MITF: variants seen among roughly 807,000 people sequenced by gnomAD.
The protein encoded by MITF is melanocyte inducing transcription factor.
In MITF, 17 loss-of-function variants were observed where a neutral mutation model predicts 60.5. That is an observed-to-expected ratio of 0.28 (90% CI 0.19 to 0.42). MITF has a LOEUF of 0.42. MITF is among the 10% of genes least tolerant of loss of function. The pLI, the probability that MITF is intolerant of heterozygous loss-of-function variation, is 1.00. For synonymous variants in MITF, 260 were observed against 248.5 expected (o/e 1.05, Z -0.43); for missense variants, 622 against 683.5 (o/e 0.91, Z 1.00).
chr3:69,907,776 T>A (rs2065132489), intron 2 of MITF, among the ~76,000 whole-genome samples: 1 of 152,108 alleles, frequency 6.6e-6, no homozygotes, highest in Non-Finnish European at 1.5e-5. Flanking sequence ...TCACGGACAT[T>A]TTAAGTGTAT....
chr3:69,903,846 T>G (rs768223157), intron 2 of MITF, among the ~76,000 whole-genome samples: 8 of 152,176 alleles, frequency 5.3e-5, no homozygotes, highest in Non-Finnish European at 8.8e-5. Context: ...GTTCTGACTC[T>G]GCTGCTCCCA....
intron 1 of MITF, among the ~76,000 whole-genome samples, chr3:69,865,714 T>C (rs1209663650): frequency 6.6e-6 from 1 of 152,072 alleles, no homozygotes; most frequent in Non-Finnish European, 1.5e-5. Context: ...CTGTTTTGGA[T>C]CTCTAGCCTG....
chr3:69,780,660 C>T (rs907249880), intron 1 of MITF, among the ~76,000 whole-genome samples: 8 of 152,104 alleles, frequency 5.3e-5, no homozygotes, highest in Admixed American at 3.3e-4. Context: ...TCTCTTTCTC[C>T]GTTGGTTTCA....
chr3:69,908,905 GTTTGT>G (rs2065158294), intron 2 of MITF, among the ~76,000 whole-genome samples: 2 of 152,142 alleles, frequency 1.3e-5, no homozygotes, highest in South Asian at 4.1e-4. Context: ...GATTATTTAT[GTTTGT>G]TTTATTTATG....
At chr3:69,775,092 C>T (rs371986558) in intron 1 of MITF, among the ~76,000 whole-genome samples, 4 of 152,264 alleles carry the variant, frequency 2.6e-5, no homozygotes, top group African/African-American at 9.6e-5. Flanking sequence ...ACCTCCTTGC[C>T]CCTCATCTGA....
intron 6 of MITF, among the ~76,000 whole-genome samples, chr3:69,951,023 C>T (rs1434367763): frequency 6.7e-6 from 1 of 149,626 alleles, no homozygotes; most frequent in Non-Finnish European, 1.5e-5. Flanking sequence ...CTGGCACCAA[C>T]TTCTGAAAAA....
At chr3:69,761,552 T>G (rs935757821) in intron 1 of MITF, among the ~76,000 whole-genome samples, 1 of 152,192 alleles carries the variant, frequency 6.6e-6, no homozygotes, top group Non-Finnish European at 1.5e-5. Context: ...TGACAACTTA[T>G]GTTGATTTTT....
At chr3:69,802,626 A>G (rs2062939256) in intron 1 of MITF, among the ~76,000 whole-genome samples, 1 of 149,054 alleles carries the variant, frequency 6.7e-6, no homozygotes, top group Non-Finnish European at 1.5e-5. Flanking sequence ...ATTATTGATC[A>G]TTGACTTCCC....
chr3:69,967,117 G>T lies in MITF; in HGVS notation c.*1869G>T, dbSNP rs886058814. 1.7e-5 allele frequency: 4 copies of T among 232,860 alleles called. No homozygotes were observed. Among genetic ancestry groups the T allele is most frequent in the Non-Finnish European group, 2.6e-5 (3 of 117,554 alleles). The allele number at this position is 232,860 out of a possible 1,614,324, so 14.4% of individuals were successfully genotyped here. On this transcript the variant is annotated 3_prime_UTR_variant, in exon 10 of 10. Transcript: ENST00000352241. ...TGGGTGATGGAGGGTTCAGAGAGGA[G>T]TGATCGTCAGATGTGTGAATGGACG...
intron 1 of MITF, among the ~76,000 whole-genome samples, chr3:69,780,698 C>T (rs541571174): frequency 2.0e-5 from 3 of 152,274 alleles, no homozygotes; most frequent in Non-Finnish European, 4.4e-5. Context: ...TCCATGTGGC[C>T]TTTCTAGCAG....
At chr3:69,776,819 T>G (rs17043851) in intron 1 of MITF, among the ~76,000 whole-genome samples, 32,722 of 152,168 alleles carry the variant, frequency 0.22, 3,801 homozygotes, top group East Asian at 0.48. Context: ...TAGCAAAGAC[T>G]TTTCTTGTAA....
chr3:69,818,947 A>G (rs1050901407), intron 1 of MITF, among the ~76,000 whole-genome samples: 1 of 152,192 alleles, frequency 6.6e-6, no homozygotes, highest in East Asian at 1.9e-4. Context: ...TATGGAAACA[A>G]TCAAAGAGGA....
At chr3:69,956,795 T>C (rs2066409952) in intron 8 of MITF, among the ~76,000 whole-genome samples, 1 of 152,160 alleles carries the variant, frequency 6.6e-6, no homozygotes, top group Admixed American at 6.5e-5. Flanking sequence ...AACCTAAGAA[T>C]TCTTTGCAAA....
intron 5 of MITF, among the ~76,000 whole-genome samples, chr3:69,946,316 C>T (rs769866624): frequency 1.4e-4 from 21 of 152,122 alleles, no homozygotes; most frequent in African/African-American, 4.8e-4. Flanking sequence ...CACCATTAAT[C>T]GGTAAATTGG....
At chr3:69,808,134 T>C (rs1575745176) in intron 1 of MITF, among the ~76,000 whole-genome samples, 1 of 148,122 alleles carries the variant, frequency 6.8e-6, no homozygotes, top group Non-Finnish European at 1.5e-5. Context: ...AATATAAAAA[T>C]ATATAAATAT....
chr3:69,847,760 T>C (rs1208281821), intron 1 of MITF, among the ~76,000 whole-genome samples: 1 of 152,264 alleles, frequency 6.6e-6, no homozygotes, highest in Non-Finnish European at 1.5e-5. Context: ...CTGGCTTTTT[T>C]GTGGACTCCT....
chr3:69,762,726 C>T, intron 1 of MITF: 1 of 221,552 alleles, frequency 4.5e-6, no homozygotes, highest in Non-Finnish European at 9.0e-6. Context: ...CGACAGTCAT[C>T]TCCCTACAGC....
intron 1 of MITF, among the ~76,000 whole-genome samples, chr3:69,774,524 G>A (rs78360258): frequency 0.019 from 2,967 of 152,274 alleles, 84 homozygotes; most frequent in African/African-American, 0.067. Context: ...TATGAACTCT[G>A]TTGGGAGTCA....
chr3:69,905,882 A>G (rs1476532643), intron 2 of MITF, among the ~76,000 whole-genome samples: 2 of 151,794 alleles, frequency 1.3e-5, no homozygotes, highest in African/African-American at 4.8e-5. Flanking sequence ...TTTGTTCTGG[A>G]TCTATCATAT....
Sources: gnomAD v4.1 joint callset for allele counts (sites outside exome capture counted in the v4.1 genomes callset) on GRCh38, gnomAD v4.1.1 for gene constraint, MANE v1.5 for transcripts, NCBI Gene and HGNC (gene_info 2026-07-23, HGNC 2026-07-21) for gene names.